Variants in INPP4B observed in about 807,000 individuals in gnomAD.
The protein encoded by INPP4B is inositol polyphosphate 4-phosphatase type II.
INPP4B carries 55 observed loss-of-function variants against 122.5 expected under a neutral mutation model. The observed-to-expected ratio is 0.45, with a 90% CI of 0.36 to 0.56. The LOEUF (loss-of-function observed/expected upper bound fraction) is 0.56. INPP4B is among the 20% of genes least tolerant of loss of function. INPP4B has a pLI of 0.00. For synonymous variants in INPP4B, 403 were observed against 388.7 expected (o/e 1.04, Z -0.43); for missense variants, 1,000 against 1,097.7 (o/e 0.91, Z 1.26).
At chr4:142,575,543 C>A (rs548541098) in intron 2 of INPP4B, among the ~76,000 whole-genome samples, 1 of 152,146 alleles carries the variant, frequency 6.6e-6, no homozygotes, top group African/African-American at 2.4e-5. Context: ...ATAATGTAAA[C>A]ACCTCTGAGT....
intron 1 of INPP4B, among the ~76,000 whole-genome samples, chr4:142,808,940 A>G (rs142240692): frequency 5.1e-4 from 77 of 152,254 alleles, no homozygotes; most frequent in Admixed American, 8.5e-4. Flanking sequence ...ATGTTCAAAA[A>G]TTAGAATCAA....
intron 7 of INPP4B, among the ~76,000 whole-genome samples, chr4:142,400,793 A>C (rs1406072114): frequency 6.6e-6 from 1 of 152,228 alleles, no homozygotes; most frequent in Admixed American, 6.5e-5. Context: ...AAGACCCCAA[A>C]TAATTAGTTT....
At chr4:142,763,188 C>T (rs1481239695) in intron 1 of INPP4B, among the ~76,000 whole-genome samples, 2 of 152,134 alleles carry the variant, frequency 1.3e-5, no homozygotes, top group Admixed American at 6.6e-5. Flanking sequence ...TACTCACTTG[C>T]GACTACATTA....
intron 9 of INPP4B, among the ~76,000 whole-genome samples, chr4:142,293,535 T>G (rs546882019): frequency 1.3e-5 from 2 of 152,334 alleles, no homozygotes; most frequent in Non-Finnish European, 1.5e-5. Context: ...ATGTCATCCT[T>G]CTCTTCTACC....
intron 15 of INPP4B, among the ~76,000 whole-genome samples, chr4:142,191,520 C>A (rs1835820427): frequency 1.3e-5 from 2 of 152,190 alleles, no homozygotes; most frequent in South Asian, 4.1e-4. Context: ...GGGATGGCAT[C>A]CCTTCCCCCA....
chr4:142,228,124 T>C (rs1023080948), intron 12 of INPP4B, among the ~76,000 whole-genome samples: 10 of 151,976 alleles, frequency 6.6e-5, no homozygotes, highest in African/African-American at 2.4e-4. Context: ...AATATTTTTT[T>C]ATCACATAGT....
rs1365648947 is a variant in INPP4B, at chr4:142,208,508, C to A, written c.989G>T (p.Ser330Ile). The A allele has an allele frequency of 6.3e-7, 1 of 1,596,476 alleles. No individual in the cohort carries two copies. ...TTCTAATGTTTTCTCTCCTTTGCTG[C>A]TGCTTGATTTGAAAGAGGACCCTGA... ...KETGSSFKSS[S>I]SKGEKTLEFV... Residue 330 changes from serine (S) to isoleucine (I), a missense_variant, in exon 14 of 26, where the codon AGC becomes ATC. Transcript: ENST00000262992.
At chr4:142,270,331 A>T (rs1745134755) in intron 10 of INPP4B, among the ~76,000 whole-genome samples, 1 of 152,204 alleles carries the variant, frequency 6.6e-6, no homozygotes, top group South Asian at 2.1e-4. Context: ...CCATCCCAGA[A>T]TCTTCTGGCA....
intron 2 of INPP4B, among the ~76,000 whole-genome samples, chr4:142,641,590 G>A (rs1162466821): frequency 6.6e-6 from 1 of 152,074 alleles, no homozygotes; most frequent in East Asian, 1.9e-4. Context: ...CCCTACAAAG[G>A]ACATGAACTC....
chr4:142,778,473 C>T (rs950657913), intron 1 of INPP4B, among the ~76,000 whole-genome samples: 4 of 152,142 alleles, frequency 2.6e-5, no homozygotes, highest in African/African-American at 9.7e-5. Flanking sequence ...TTTTATAGCA[C>T]AAATTCTGAA....
At chr4:142,503,593 C>T (rs578030405) in intron 2 of INPP4B, among the ~76,000 whole-genome samples, 1 of 152,106 alleles carries the variant, frequency 6.6e-6, no homozygotes, top group Admixed American at 6.5e-5. Flanking sequence ...TAAATTAGCA[C>T]ATACATCCAA....
intron 9 of INPP4B, among the ~76,000 whole-genome samples, chr4:142,292,016 A>G (rs2245600): frequency 0.66 from 100,733 of 152,044 alleles, 34,408 homozygotes; most frequent in East Asian, 0.89. Flanking sequence ...TTGTCTCAAT[A>G]TATTTTTTCA....
At chr4:142,244,287 CTTTTTTTTTTTTTTTT>C (rs56945961) in intron 11 of INPP4B, among the ~76,000 whole-genome samples, 3 of 73,748 alleles carry the variant, frequency 4.1e-5, no homozygotes, top group Non-Finnish European at 7.5e-5. Context: ...GTATATGTGC[CTTTTTTTTTTTTTTTT>C]TTTTTTTTTT....
chr4:142,450,986 A>T (rs1814051343), intron 3 of INPP4B, among the ~76,000 whole-genome samples: 1 of 150,004 alleles, frequency 6.7e-6, no homozygotes, highest in Non-Finnish European at 1.5e-5. Flanking sequence ...CCCCCCCCCA[A>T]AAAAAGTATA....
At chr4:142,547,615 A>T (rs1363678641) in intron 2 of INPP4B, among the ~76,000 whole-genome samples, 3 of 152,206 alleles carry the variant, frequency 2.0e-5, no homozygotes, top group Non-Finnish European at 4.4e-5. Flanking sequence ...TGTCTCAGGA[A>T]AACTGAAGAC....
At chr4:142,539,587 C>A (rs1483910005) in intron 2 of INPP4B, among the ~76,000 whole-genome samples, 1 of 151,960 alleles carries the variant, frequency 6.6e-6, no homozygotes, top group South Asian at 2.1e-4. Context: ...GTTGTGAGAA[C>A]AAAACCTTCA....
intron 2 of INPP4B, among the ~76,000 whole-genome samples, chr4:142,546,477 T>C (rs904007307): frequency 2.0e-5 from 3 of 152,146 alleles, no homozygotes; most frequent in Admixed American, 6.6e-5. Context: ...CCATAGTACA[T>C]GTCCAAAATT....
intron 3 of INPP4B, among the ~76,000 whole-genome samples, chr4:142,440,729 T>G: frequency 6.8e-6 from 1 of 147,848 alleles, no homozygotes; most frequent in South Asian, 2.2e-4. Context: ...CTCCTTCTTT[T>G]TTAAAATAAA....
intron 11 of INPP4B, among the ~76,000 whole-genome samples, chr4:142,256,222 T>A (rs1735935206): frequency 6.6e-6 from 1 of 151,332 alleles, no homozygotes; most frequent in Non-Finnish European, 1.5e-5. Flanking sequence ...GAGGGAAATT[T>A]ATAGCACTAA....
Sources: allele counts gnomAD v4.1 joint callset (sites outside exome capture counted in the v4.1 genomes callset), GRCh38; gene constraint gnomAD v4.1.1; transcripts MANE v1.5; gene names NCBI Gene and HGNC (gene_info 2026-07-23, HGNC 2026-07-21).